The following NRIP1 variants were observed in gnomAD, a reference collection of about 807,000 sequenced individuals.
NRIP1 encodes the protein nuclear receptor-interacting protein 1.
In NRIP1, 28 loss-of-function variants were observed where a neutral mutation model predicts 75.0. The observed-to-expected ratio is 0.37, with a 90% CI of 0.28 to 0.51. The LOEUF (loss-of-function observed/expected upper bound fraction) is 0.51, where lower values mean the gene tolerates loss of function less well. Among genes scored for constraint, NRIP1 ranks in the 20% least tolerant of loss-of-function variants. The probability of loss-of-function intolerance (pLI) is 0.92; values close to 1 mark genes in which losing one functional copy is unlikely to be tolerated. For missense variants in NRIP1, 1,435 were observed against 1,343.7 expected, an observed-to-expected ratio of 1.07 and a Z score of -1.06; for synonymous variants, 526 against 487.6, an observed-to-expected ratio of 1.08 and a Z score of -1.04.
intron 1 of NRIP1, among the ~76,000 whole-genome samples, chr21:15,061,939 T>G (rs1323339367): frequency 6.6e-6 from 1 of 152,238 alleles, no homozygotes; most frequent in Admixed American, 6.5e-5. Context: ...TCCATTAGAT[T>G]GGCATATTTT....
chr21:15,031,832 G>A (rs1030986508), intron 2 of NRIP1, among the ~76,000 whole-genome samples: 3 of 150,210 alleles, frequency 2.0e-5, no homozygotes, highest in African/African-American at 7.4e-5. Flanking sequence ...TGTACACTCT[G>A]GAAGGCGTTC....
At chr21:15,041,341 G>T (rs759563687) in intron 2 of NRIP1, among the ~76,000 whole-genome samples, 1 of 152,092 alleles carries the variant, frequency 6.6e-6, no homozygotes, top group South Asian at 2.1e-4. Context: ...AGGCAGGATC[G>T]ATTAGAAAAT....
intron 3 of NRIP1, among the ~76,000 whole-genome samples, chr21:15,002,926 T>C (rs1384232043): frequency 6.6e-6 from 1 of 152,224 alleles, no homozygotes; most frequent in African/African-American, 2.4e-5. Flanking sequence ...ATTTACATTA[T>C]GAATAATCCC....
At chr21:15,057,162 G>A (rs2089324908) in intron 1 of NRIP1, among the ~76,000 whole-genome samples, 1 of 143,746 alleles carries the variant, frequency 7.0e-6, no homozygotes, top group Admixed American at 6.9e-5. Flanking sequence ...AGTGAAGATA[G>A]GGTAATTAAA....
chr21:15,048,436 A>G (rs2089134943), intron 1 of NRIP1, among the ~76,000 whole-genome samples: 1 of 152,230 alleles, frequency 6.6e-6, no homozygotes, highest in Admixed American at 6.5e-5. Flanking sequence ...TAAGTCAAAG[A>G]TATCTAGAAT....
intron 2 of NRIP1, among the ~76,000 whole-genome samples, chr21:15,039,480 A>C (rs926722017): frequency 6.6e-6 from 1 of 152,164 alleles, no homozygotes; most frequent in African/African-American, 2.4e-5. Flanking sequence ...GGCAAAATCA[A>C]ACCCACATTA....
At chr21:15,025,403 T>C (rs2088493133) in intron 2 of NRIP1, among the ~76,000 whole-genome samples, 1 of 152,108 alleles carries the variant, frequency 6.6e-6, no homozygotes, top group African/African-American at 2.4e-5. Flanking sequence ...GGGGTACTGC[T>C]GGCAAAATCA....
At chr21:14,991,459 G>A (rs187328011) in intron 3 of NRIP1, among the ~76,000 whole-genome samples, 11 of 151,846 alleles carry the variant, frequency 7.2e-5, no homozygotes, top group Non-Finnish European at 1.5e-4. Context: ...TTATTTTAAA[G>A]GCCTTTTTGA....
chr21:15,038,546 A>T (rs1342041868), intron 2 of NRIP1, among the ~76,000 whole-genome samples: 2 of 152,100 alleles, frequency 1.3e-5, no homozygotes, highest in Non-Finnish European at 2.9e-5. Flanking sequence ...TGAAAAAAAC[A>T]CATATTTATA....
chr21:15,040,653 T>C (rs951418631), intron 2 of NRIP1, among the ~76,000 whole-genome samples: 1 of 152,176 alleles, frequency 6.6e-6, no homozygotes, highest in East Asian at 1.9e-4. Flanking sequence ...AAATCCACTT[T>C]CAGTATTTCA....
chr21:15,050,230 A>G (rs116452236), intron 1 of NRIP1: 2,183 of 157,604 alleles, frequency 0.014, 43 homozygotes, highest in African/African-American at 0.048. Flanking sequence ...TAAGCTATTG[A>G]GACCAATCAG....
intron 3 of NRIP1, among the ~76,000 whole-genome samples, chr21:14,990,214 C>A (rs937382862): frequency 2.6e-5 from 4 of 152,184 alleles, no homozygotes; most frequent in Admixed American, 6.5e-5. Flanking sequence ...CCTCCCTCCA[C>A]CCCTCCTCTT....
chr21:15,062,870 G>A (rs1365146483), intron 1 of NRIP1, among the ~76,000 whole-genome samples: 10 of 152,086 alleles, frequency 6.6e-5, no homozygotes, highest in Admixed American at 5.9e-4. Flanking sequence ...CAATATTTTA[G>A]GGTGTTAAAA....
rs574025182 is a variant in NRIP1 at position 15,016,956 on chromosome 21, CAAGAAAGA to C, written c.-457-2498_-457-2491del. 2.3e-5 allele frequency among the ~76,000 whole-genome samples: 3 copies of C among 131,362 alleles called. No individual in the cohort carries two copies. The East Asian group carries it at 6.5e-4, about 28-fold the overall frequency. 86.2% of individuals were successfully genotyped at this position (131,362 alleles called of 152,430 possible). A position where few individuals can be genotyped will look rare whatever the true frequency, so the allele number is the denominator to read the frequency against. ...AAAGAAAGAAAGAAAAGAAGAAAGACAAGAAAGAAAGAAAGAAAAGAGAAAGAAAGAAA... is the reference window on the plus strand; with the variant it reads ...AAAGAAAGAAAGAAAAGAAGAAAGACAAGAAAGAAAAGAGAAAGAAAGAAA... On this transcript the variant is annotated intron_variant, in intron 2 of 3. Coordinates refer to ENST00000318948, the MANE Select transcript of NRIP1 (RefSeq NM_003489.4).
intron 3 of NRIP1, among the ~76,000 whole-genome samples, chr21:15,012,615 G>A (rs984091303): frequency 1.8e-4 from 28 of 151,810 alleles, no homozygotes; most frequent in African/African-American, 6.5e-4. Flanking sequence ...ACCACACCTG[G>A]CTAATATTTG....
chr21:14,995,885 C>T (rs1410747103), intron 3 of NRIP1, among the ~76,000 whole-genome samples: 2 of 152,132 alleles, frequency 1.3e-5, no homozygotes, highest in Non-Finnish European at 2.9e-5. Flanking sequence ...GCTAAAAACT[C>T]ATAATAGTTT....
chr21:15,056,737 G>A (rs2089316713), intron 1 of NRIP1, among the ~76,000 whole-genome samples: 1 of 152,040 alleles, frequency 6.6e-6, no homozygotes, highest in Admixed American at 6.6e-5. Context: ...AAGCACCCTA[G>A]AAAATATTAT....
chr21:14,975,301 CT>C (rs1295876865), intron 3 of NRIP1, among the ~76,000 whole-genome samples: 1 of 152,110 alleles, frequency 6.6e-6, no homozygotes, highest in Non-Finnish European at 1.5e-5. Flanking sequence ...CGTTTGTCAA[CT>C]TTCCTCTTTG....
At chr21:15,011,486 G>C (rs1186235911) in intron 3 of NRIP1, among the ~76,000 whole-genome samples, 2 of 152,144 alleles carry the variant, frequency 1.3e-5, no homozygotes, top group Non-Finnish European at 1.5e-5. Context: ...ACCACGCCCA[G>C]AGTACTGGCC....
Sources: gnomAD v4.1 joint callset for allele counts (sites outside exome capture counted in the v4.1 genomes callset) on GRCh38, gnomAD v4.1.1 for gene constraint, MANE v1.5 for transcripts, NCBI Gene and HGNC (gene_info 2026-07-23, HGNC 2026-07-21) for gene names.